BICD2: variants seen among roughly 807,000 people sequenced by gnomAD.
BICD2 encodes the protein protein bicaudal D homolog 2.
BICD2 carries 25 observed loss-of-function variants against 72.9 expected under a neutral mutation model. The ratio of observed to expected loss-of-function variants is 0.34; its 90% CI spans 0.25 to 0.48. The LOEUF is 0.48. Ranked by LOEUF, BICD2 falls within the 20% of genes least tolerant of loss-of-function variation. The pLI is 0.99. For synonymous variants in BICD2, 501 were observed against 516.1 expected, an observed-to-expected ratio of 0.97 and a Z score of 0.40; for missense variants, 894 against 1,175.2, an observed-to-expected ratio of 0.76 and a Z score of 3.50.
In BICD2 at chr9:92,745,347, C is replaced by T. The variant is rs1198484036; in HGVS notation, c.241-16111G>A. On this transcript the variant is annotated intron_variant, in intron 1 of 6. Coordinates refer to ENST00000356884, the MANE Select transcript of BICD2 (RefSeq NM_001003800.2). ...ATGTGAGATGAGCTGGAACCTCTGC[C>T]TACTGTTCAGCCCAGTAATGACCCA... Among the ~76,000 whole-genome samples the T allele has an allele frequency of 3.3e-5, 5 of 151,996 alleles. No homozygotes were observed. The East Asian group carries it at 9.6e-4, about 29-fold the overall frequency.
chr9:92,720,520 T>C lies in BICD2; in HGVS notation c.842A>G (p.Asp281Gly). The change falls in exon 4 of 7, where the codon GAT (aspartate) becomes GGT (glycine). Residue 281 changes from aspartate to glycine, a missense_variant. Asp to Gly is a moderately conservative substitution (Grantham distance 94). This residue lies in a region of BICD2 where 371 missense variants were observed against 439.1 expected (regional missense o/e 0.84). Coordinates refer to ENST00000356884, the MANE Select transcript of BICD2 (RefSeq NM_001003800.2). The surrounding 1 kb of genome is among the most constrained non-coding windows in gnomAD (Gnocchi z 5.4). ...FYTSHLHVSL[D>G]GLKFSDDAAE... The stretch of plus-strand genomic sequence containing the variant: ...AGCATCGTCACTGAACTTGAGGCCA[T>C]CCAGCGAGACATGCAGGTGGCTGGT... The C allele has an allele frequency of 6.2e-7, 1 of 1,614,202 alleles. No individual in the cohort carries two copies. The highest frequency in any genetic ancestry group is 8.5e-7 in the Non-Finnish European group (1 of 1,180,026).
Position 92,713,917 on chromosome 9 carries a change from C to T in BICD2, c.*1237G>A. Reference sequence around the variant, plus strand: ...TGCCTCTTCCGCATGAGAGACAAGGCAAGCAGCCTGCAGGAGAGAAGACTG... The same window carrying T: ...TGCCTCTTCCGCATGAGAGACAAGGTAAGCAGCCTGCAGGAGAGAAGACTG... On this transcript the variant is annotated 3_prime_UTR_variant, in exon 7 of 7. Coordinates refer to ENST00000356884, the MANE Select transcript of BICD2 (RefSeq NM_001003800.2). 1.0e-6 allele frequency: 1 copy of T among 999,006 alleles called. No individual in the cohort carries two copies. The highest frequency in any genetic ancestry group is 1.2e-6 in the Non-Finnish European group (1 of 837,746). The allele number at this position is 999,006 out of a possible 1,614,324, so 61.9% of individuals were successfully genotyped here.
Position 92,764,645 on chromosome 9 carries a change from C to A in BICD2, c.100G>T (p.Ala34Ser). ...AEVKRLSHELAETTREKIQAA... is the reference protein window; with the variant it reads ...AEVKRLSHELSETTREKIQAA... ...TGGATCTTCTCACGCGTGGTCTCGG[C>A]CAGCTCGTGGGACAGCCGCTTCACC... is the stretch of plus-strand genomic sequence containing the variant. Residue 34 changes from alanine (A) to serine (S), a missense_variant, in exon 1 of 7, where the codon GCC becomes TCC. Ala to Ser is a moderately conservative substitution (Grantham distance 99). Around this residue, in one of 5 missense-constraint regions of BICD2, gnomAD observed 192 missense variants for 243.6 expected, o/e 0.79. Transcript: ENST00000356884. This position sits in a 1 kb window ranked among gnomAD's most constrained non-coding sequence, Gnocchi z 5.5. The A allele has an allele frequency of 6.3e-7, 1 of 1,593,466 alleles. No individual in the cohort carries two copies. Among genetic ancestry groups the A allele is most frequent in the South Asian group, 1.1e-5 (1 of 87,702 alleles).
intron 1 of BICD2, among the ~76,000 whole-genome samples, chr9:92,747,207 G>A (rs920904131): frequency 1.3e-5 from 2 of 152,096 alleles, no homozygotes; most frequent in African/African-American, 2.4e-5. Flanking sequence ...TGTCACCGGG[G>A]GCCAAGAGGG....
At position 92,713,826 on chromosome 9, in the gene BICD2, G is replaced by A. The variant is rs1853244295; in HGVS notation, c.*1328C>T. 5.4e-6 allele frequency: 6 copies of A among 1,103,570 alleles called. No homozygotes were observed. The highest frequency in any genetic ancestry group is 6.7e-6 in the Non-Finnish European group (6 of 898,886). 68.4% of individuals were successfully genotyped at this position (1,103,570 alleles called of 1,614,324 possible). On this transcript the variant is annotated 3_prime_UTR_variant, in exon 7 of 7. Coordinates refer to ENST00000356884, the MANE Select transcript of BICD2 (RefSeq NM_001003800.2). ...GGACCGAAACATACTCGGCACCAAA[G>A]GGAAGAACGCGCAGGGCAGAGAGCT...
intron 2 of BICD2, among the ~76,000 whole-genome samples, chr9:92,726,090 A>T (rs1384512959): frequency 6.6e-6 from 1 of 152,102 alleles, no homozygotes; most frequent in Non-Finnish European, 1.5e-5. Context: ...GGGCCCACAC[A>T]TACACAGCGG....
intron 1 of BICD2, among the ~76,000 whole-genome samples, chr9:92,746,493 C>T (rs1854016467): frequency 1.3e-5 from 2 of 149,832 alleles, no homozygotes. Flanking sequence ...GATCACACCA[C>T]TGCACTCCAG....
intron 1 of BICD2, among the ~76,000 whole-genome samples, chr9:92,743,288 G>A (rs1355708374): frequency 6.6e-6 from 1 of 151,222 alleles, no homozygotes; most frequent in Non-Finnish European, 1.5e-5. Context: ...AACCTCCTGG[G>A]CCCAAGCAAT....
intron 2 of BICD2, among the ~76,000 whole-genome samples, chr9:92,728,035 G>A (rs769453840): frequency 6.6e-6 from 1 of 152,146 alleles, no homozygotes; most frequent in Non-Finnish European, 1.5e-5. Flanking sequence ...AGACACTCAG[G>A]TGCTCACTCA....
chr9:92,755,504 G>C (rs532695036), intron 1 of BICD2, among the ~76,000 whole-genome samples: 33 of 152,216 alleles, frequency 2.2e-4, no homozygotes, highest in Admixed American at 1.1e-3. Flanking sequence ...GGGGCATCAC[G>C]GAACCTACCG....
chr9:92,753,788 C>A (rs2131532567), intron 1 of BICD2, among the ~76,000 whole-genome samples: 1 of 152,036 alleles, frequency 6.6e-6, no homozygotes, highest in Non-Finnish European at 1.5e-5. Context: ...ATCCGCCTGC[C>A]TCGTCCTCCC....
chr9:92,753,101 C>T (rs951757117), intron 1 of BICD2, among the ~76,000 whole-genome samples: 4 of 152,152 alleles, frequency 2.6e-5, no homozygotes, highest in African/African-American at 9.7e-5. Flanking sequence ...AACCCATAAT[C>T]CCAATCTAAC....
intron 1 of BICD2, among the ~76,000 whole-genome samples, chr9:92,756,821 C>T (rs1433521636): frequency 8.6e-5 from 13 of 150,938 alleles, no homozygotes. Context: ...GAGCAGACAT[C>T]GCGCCACTGC....
chr9:92,724,968 C>A (rs1204311226), intron 2 of BICD2, among the ~76,000 whole-genome samples: 1 of 152,192 alleles, frequency 6.6e-6, no homozygotes, highest in African/African-American at 2.4e-5. Flanking sequence ...GGAGTGGAAG[C>A]TGAGGGGAAG....
intron 1 of BICD2, among the ~76,000 whole-genome samples, chr9:92,730,140 A>C (rs1853651475): frequency 6.6e-6 from 1 of 152,098 alleles, no homozygotes; most frequent in African/African-American, 2.4e-5. Flanking sequence ...CAGGGCTTCC[A>C]TGGGTAGAGG....
chr9:92,740,774 A>G (rs991386792), intron 1 of BICD2, among the ~76,000 whole-genome samples: 1 of 152,164 alleles, frequency 6.6e-6, no homozygotes, highest in East Asian at 1.9e-4. Flanking sequence ...ATACCCCAAA[A>G]CCAGGGAACT....
chr9:92,736,403 C>T lies in BICD2; in HGVS notation c.241-7167G>A, dbSNP rs1032537476. On this transcript the variant is annotated intron_variant, in intron 1 of 6. Transcript: ENST00000356884. ...GCCCCAGTTTACAGATGCCACAGCC[C>T]GAGGTACCCACTGTGTAATGTCTGG... is the stretch of plus-strand genomic sequence containing the variant. Among the ~76,000 whole-genome samples, 6 of 152,260 alleles carry T rather than the reference C, an allele frequency of 3.9e-5. 1 individual carries two copies. The highest frequency in any genetic ancestry group is 3.9e-4 in the Admixed American group (6 of 15,302).
Position 92,722,728 on chromosome 9 carries a change from C to T in BICD2, c.534G>A (p.Leu178=), listed in dbSNP as rs771215407. Reference sequence around the variant, plus strand: ...CCTCCTCCAGTTCCGAGTAGTCCTGCAGCAGACGAGCTTCCCGGAATTTGT... The same window carrying T: ...CCTCCTCCAGTTCCGAGTAGTCCTGTAGCAGACGAGCTTCCCGGAATTTGT... ...KEYKFREARL[L]QDYSELEEEN... The change falls in exon 3 of 7, where the codon CTG becomes CTA. Residue 178 remains leucine, a synonymous_variant. Transcript: ENST00000356884. 8 of 1,614,124 alleles carry T rather than the reference C, an allele frequency of 5.0e-6. No individual in the cohort carries two copies. The Admixed American group carries it at 6.7e-5, about 13-fold the overall frequency.
rs770704782 is a variant in BICD2 at position 92,715,431 on chromosome 9, A to G, written c.2291T>C (p.Met764Thr). ...CTCAGCAGCCGCCAGCTGCCGCTGC[A>G]TCTCATCCAGCTGTGTAATGTACTC... ...CDEYITQLDE[M>T]QRQLAAAEDE... Residue 764 changes from methionine (M) to threonine (T), a missense_variant, in exon 7 of 7, where the codon ATG (methionine) becomes ACG (threonine). Met to Thr is a moderately conservative substitution (Grantham distance 81, BLOSUM62 -1). Transcript: ENST00000356884. 1 of 1,603,720 alleles carries G rather than the reference A, an allele frequency of 6.2e-7. No individual in the cohort carries two copies. Among genetic ancestry groups the G allele is most frequent in the Non-Finnish European group, 8.5e-7 (1 of 1,172,260 alleles).
Sources: allele counts gnomAD v4.1 joint callset (sites outside exome capture counted in the v4.1 genomes callset), GRCh38; gene constraint gnomAD v4.1.1; regional missense constraint gnomAD v4.1.1; non-coding constraint Gnocchi (gnomAD v3.1); transcripts MANE v1.5; gene names NCBI Gene and HGNC (gene_info 2026-07-23, HGNC 2026-07-21).